Variants in MAPK4 observed in about 807,000 individuals in gnomAD.
MAPK4 encodes the protein mitogen-activated protein kinase 4, also known as Erk3-related.
MAPK4 carries 22 observed loss-of-function variants against 47.7 expected under a neutral mutation model. That is an observed-to-expected ratio of 0.46 (90% confidence interval 0.33 to 0.66). The LOEUF (loss-of-function observed/expected upper bound fraction) is 0.66. MAPK4 is among the 30% of genes least tolerant of loss of function. The pLI is 0.02. For missense variants in MAPK4, 736 were observed against 831.7 expected, an observed-to-expected ratio of 0.88 and a Z score of 1.42; for synonymous variants, 390 against 365.7, an observed-to-expected ratio of 1.07 and a Z score of -0.76.
chr18:50,613,714 GTCT>G (rs1470343926), intron 1 of MAPK4, among the ~76,000 whole-genome samples: 5 of 152,220 alleles, frequency 3.3e-5, no homozygotes, highest in Non-Finnish European at 5.9e-5. Flanking sequence ...GAGATTGTAA[GTCT>G]TATATACACC....
At chr18:50,657,379 G>A (rs768675279) in intron 1 of MAPK4, among the ~76,000 whole-genome samples, 1 of 152,172 alleles carries the variant, frequency 6.6e-6, no homozygotes, top group African/African-American at 2.4e-5. Context: ...CATTTAGTGG[G>A]TTGGGATCAG....
chr18:50,712,192 C>T lies in MAPK4; in HGVS notation c.547-2887C>T, dbSNP rs117550114. ...CTGTAATCCCAGCACTTCGAAAGGC[C>T]GAGGTAGGCAGACTGCGTGAGCTCA... On this transcript the variant is annotated intron_variant, in intron 2 of 5. Coordinates refer to ENST00000400384, the MANE Select transcript of MAPK4 (RefSeq NM_002747.4). Among the ~76,000 whole-genome samples the T allele has an allele frequency of 2.3e-3, 353 of 152,262 alleles. 20 individuals are homozygous for T. In the East Asian group the frequency reaches 0.058, roughly 25 times the overall value.
chr18:50,656,544 A>C (rs1320506325), intron 1 of MAPK4, among the ~76,000 whole-genome samples: 1 of 152,158 alleles, frequency 6.6e-6, no homozygotes, highest in East Asian at 1.9e-4. Flanking sequence ...CTTTTTGCCA[A>C]ATTCTATTCT....
chr18:50,676,124 G>A (rs1908255943), intron 2 of MAPK4, among the ~76,000 whole-genome samples: 2 of 152,134 alleles, frequency 1.3e-5, no homozygotes, highest in Non-Finnish European at 2.9e-5. Flanking sequence ...GAATATGGTT[G>A]ATCTTTTTTT....
chr18:50,713,696 G>A lies in MAPK4; in HGVS notation c.547-1383G>A, dbSNP rs142025427. Among the ~76,000 whole-genome samples the A allele has an allele frequency of 4.9e-3, 741 of 152,356 alleles. 2 individuals carry two copies. The highest frequency in any genetic ancestry group is 0.017 in the African/African-American group (690 of 41,586). On this transcript the variant is annotated intron_variant, in intron 2 of 5. Transcript: ENST00000400384. ...GAAACTTCTGAGAGGAAGCTGGCCTGAGCGTGTCAGCCGGTAGCACCATGA... is the reference window on the plus strand; with the variant it reads ...GAAACTTCTGAGAGGAAGCTGGCCTAAGCGTGTCAGCCGGTAGCACCATGA...
intron 2 of MAPK4, among the ~76,000 whole-genome samples, chr18:50,704,093 G>A (rs896801845): frequency 2.0e-4 from 31 of 152,076 alleles, no homozygotes; most frequent in African/African-American, 7.5e-4. Context: ...TAAAACTTCA[G>A]GTAAGCTCTC....
intron 2 of MAPK4, among the ~76,000 whole-genome samples, chr18:50,674,308 G>A (rs184994170): frequency 2.6e-5 from 4 of 152,252 alleles, no homozygotes; most frequent in Admixed American, 1.3e-4. Context: ...ATCCTTTTCC[G>A]TTTTCTCCTG....
intron 2 of MAPK4, among the ~76,000 whole-genome samples, chr18:50,708,196 A>G (rs1183931365): frequency 6.6e-6 from 1 of 152,150 alleles, no homozygotes; most frequent in Non-Finnish European, 1.5e-5. Flanking sequence ...AAGGTTTCTC[A>G]CGTGCCTCAT....
intron 1 of MAPK4, among the ~76,000 whole-genome samples, chr18:50,571,751 T>C (rs2042252301): frequency 6.6e-6 from 1 of 152,228 alleles, no homozygotes; most frequent in African/African-American, 2.4e-5. Context: ...TAAGAGATAA[T>C]ATGCTGCCTT....
chr18:50,595,508 A>T (rs2042474026), intron 1 of MAPK4, among the ~76,000 whole-genome samples: 1 of 152,224 alleles, frequency 6.6e-6, no homozygotes, highest in South Asian at 2.1e-4. Context: ...GAGTGGTAGA[A>T]ATCAGAACCG....
intron 1 of MAPK4, among the ~76,000 whole-genome samples, chr18:50,649,945 G>A (rs895554660): frequency 2.0e-4 from 30 of 152,164 alleles, no homozygotes; most frequent in East Asian, 5.8e-4. Context: ...CATCCAGCCC[G>A]CTGCAGGCCA....
At chr18:50,576,748 G>A (rs1478853993) in intron 1 of MAPK4, among the ~76,000 whole-genome samples, 1 of 152,180 alleles carries the variant, frequency 6.6e-6, no homozygotes, top group Non-Finnish European at 1.5e-5. Context: ...GTCTGTGGAA[G>A]TCCCTAGGAC....
chr18:50,626,524 C>G (rs1241359551), intron 1 of MAPK4, among the ~76,000 whole-genome samples: 1 of 152,122 alleles, frequency 6.6e-6, no homozygotes, highest in Non-Finnish European at 1.5e-5. Context: ...GGTTGGTAAC[C>G]TTTGGCCCAA....
intron 4 of MAPK4, 24 bp downstream of exon 4, chr18:50,722,123 C>G: frequency 6.2e-7 from 1 of 1,605,234 alleles, no homozygotes; most frequent in Non-Finnish European, 8.5e-7. Context: ...GCAGCCAGGC[C>G]AAGTGTCCTG....
intron 2 of MAPK4, among the ~76,000 whole-genome samples, chr18:50,681,090 T>A (rs1277684521): frequency 6.6e-6 from 1 of 152,152 alleles, no homozygotes; most frequent in Middle Eastern, 3.2e-3. Context: ...TTTTTTTAAA[T>A]TTTAGCCATC....
At chr18:50,727,809 A>C (rs1381222403) in intron 5 of MAPK4, among the ~76,000 whole-genome samples, 1 of 152,112 alleles carries the variant, frequency 6.6e-6, no homozygotes, top group African/African-American at 2.4e-5. Flanking sequence ...CAAGCTCCTT[A>C]CCCTCTTGGA....
intron 2 of MAPK4, among the ~76,000 whole-genome samples, chr18:50,696,634 C>T (rs1909527909): frequency 6.6e-6 from 1 of 152,242 alleles, no homozygotes; most frequent in South Asian, 2.1e-4. Flanking sequence ...AAGCCAGAGC[C>T]TCAGCTGGTG....
chr18:50,715,032 G>T, intron 2 of MAPK4, 47 bp from the exon 3 acceptor site: 1 of 1,595,570 alleles, frequency 6.3e-7, no homozygotes, highest in Non-Finnish European at 8.6e-7. Flanking sequence ...GGGAGGAAGG[G>T]TATCCAAAAA....
In MAPK4 at chr18:50,664,611, T is replaced by C; in HGVS notation, c.546+107T>C. On this transcript the variant is annotated intron_variant, in intron 2 of 5. Transcript: ENST00000400384. This position sits in a 1 kb window ranked among gnomAD's most constrained non-coding sequence, Gnocchi z 6.0. ...TCCATGGTAGTCAGAGGACTAGAGTTAGTAATTAGGGGAGGCTGGAGGGTG... is the reference window on the plus strand; with the variant it reads ...TCCATGGTAGTCAGAGGACTAGAGTCAGTAATTAGGGGAGGCTGGAGGGTG... 1 of 1,274,102 alleles carries C rather than the reference T, an allele frequency of 7.8e-7. No homozygotes were observed. The highest frequency in any genetic ancestry group is 1.1e-6 in the Non-Finnish European group (1 of 927,676). The allele number at this position is 1,274,102 out of a possible 1,614,324, so 78.9% of individuals were successfully genotyped here.
Sources: allele counts gnomAD v4.1 joint callset (sites outside exome capture counted in the v4.1 genomes callset), GRCh38; gene constraint gnomAD v4.1.1; non-coding constraint Gnocchi (gnomAD v3.1); transcripts MANE v1.5; gene names NCBI Gene and HGNC (gene_info 2026-07-23, HGNC 2026-07-21).